The following CADM1 variants were observed in gnomAD, a reference collection of about 807,000 sequenced individuals.
CADM1 encodes the protein TSLC-1.
Under a neutral mutation model 53.1 loss-of-function variants are expected in CADM1, and 15 were observed. The observed-to-expected ratio is 0.28, with a 90% CI of 0.19 to 0.44. The LOEUF is 0.44. Ranked by LOEUF, CADM1 falls within the 20% of genes least tolerant of loss-of-function variation. The pLI is 1.00. For synonymous variants in CADM1, 281 were observed against 243.0 expected, an observed-to-expected ratio of 1.16 and a Z score of -1.45; for missense variants, 434 against 611.3, an observed-to-expected ratio of 0.71 and a Z score of 3.06.
intron 1 of CADM1, among the ~76,000 whole-genome samples, chr11:115,306,296 T>C (rs1030721091): frequency 4.6e-5 from 7 of 151,998 alleles, no homozygotes; most frequent in African/African-American, 1.7e-4. Flanking sequence ...GTTTGTAGCG[T>C]AGGAGCAATA....
intron 1 of CADM1, among the ~76,000 whole-genome samples, chr11:115,300,447 A>G (rs1944189320): frequency 1.3e-5 from 2 of 152,158 alleles, no homozygotes; most frequent in Admixed American, 1.3e-4. Flanking sequence ...GATAAAATTA[A>G]GGCATCAAAG....
intron 1 of CADM1, among the ~76,000 whole-genome samples, chr11:115,482,877 C>T (rs1451408552): frequency 6.6e-6 from 1 of 152,166 alleles, no homozygotes; most frequent in African/African-American, 2.4e-5. Flanking sequence ...AATACTCATT[C>T]CTTATATTAA....
chr11:115,400,580 T>C (rs1484236029), intron 1 of CADM1, among the ~76,000 whole-genome samples: 2 of 139,694 alleles, frequency 1.4e-5, no homozygotes, highest in Admixed American at 1.5e-4. Flanking sequence ...ATATATATAA[T>C]ATATATATAT....
Position 115,175,933 on chromosome 11 carries a change from T to C in CADM1, c.*541A>G, listed in dbSNP as rs1025102967. 1.4e-5 allele frequency: 14 copies of C among 1,011,328 alleles called. No individual in the cohort carries two copies. The African/African-American group carries it at 2.3e-4, about 16-fold the overall frequency. The allele number at this position is 1,011,328 out of a possible 1,614,324, so 62.6% of individuals were successfully genotyped here. ...TATGGATACACTAAATTCTGAACTA[T>C]GAAATCTAAGCTGTGCTGGTTCTCC... On this transcript the variant is annotated 3_prime_UTR_variant, in exon 12 of 12. Transcript: ENST00000331581.
At chr11:115,300,171 C>A (rs961562320) in intron 1 of CADM1, among the ~76,000 whole-genome samples, 1 of 152,100 alleles carries the variant, frequency 6.6e-6, no homozygotes, top group African/African-American at 2.4e-5. Context: ...ACTCTCAGTA[C>A]TGTTAGCTAC....
intron 2 of CADM1, among the ~76,000 whole-genome samples, chr11:115,239,366 T>C (rs887731903): frequency 1.3e-5 from 2 of 152,156 alleles, no homozygotes; most frequent in African/African-American, 4.8e-5. Flanking sequence ...GTTTCCTAAG[T>C]ACATTTGGCT....
At chr11:115,230,655 G>A (rs1053632056) in intron 4 of CADM1, among the ~76,000 whole-genome samples, 15 of 152,200 alleles carry the variant, frequency 9.9e-5, no homozygotes, top group South Asian at 2.1e-4. Context: ...ACCCGGGATG[G>A]CCCAGTACAG....
At chr11:115,495,593 C>T (rs1949590809) in intron 1 of CADM1, among the ~76,000 whole-genome samples, 2 of 152,156 alleles carry the variant, frequency 1.3e-5, no homozygotes, top group Admixed American at 1.3e-4. Context: ...AATCCACCCT[C>T]TATGTTATCT....
intron 1 of CADM1, among the ~76,000 whole-genome samples, chr11:115,433,852 T>C (rs1262836383): frequency 6.6e-6 from 1 of 152,226 alleles, no homozygotes; most frequent in African/African-American, 2.4e-5. Flanking sequence ...TATGTTGTTC[T>C]CTTGTGAGCC....
At chr11:115,429,851 T>C (rs1484819030) in intron 1 of CADM1, among the ~76,000 whole-genome samples, 1 of 152,134 alleles carries the variant, frequency 6.6e-6, no homozygotes, top group African/African-American at 2.4e-5. Context: ...GAAAACTCAG[T>C]GTGGTTTGTT....
chr11:115,283,409 A>C (rs1045630293), intron 1 of CADM1, among the ~76,000 whole-genome samples: 3 of 152,170 alleles, frequency 2.0e-5, no homozygotes, highest in Non-Finnish European at 1.5e-5. Flanking sequence ...CAAGGTTCAG[A>C]GGCCAGCCAT....
chr11:115,286,315 C>T (rs1302622745), intron 1 of CADM1, among the ~76,000 whole-genome samples: 2 of 152,114 alleles, frequency 1.3e-5, no homozygotes, highest in African/African-American at 4.8e-5. Context: ...CACATCAACA[C>T]TCACACACTC....
At chr11:115,310,308 A>G (rs1242065791) in intron 1 of CADM1, among the ~76,000 whole-genome samples, 1 of 152,150 alleles carries the variant, frequency 6.6e-6, no homozygotes, top group Non-Finnish European at 1.5e-5. Flanking sequence ...AAGTTAATAG[A>G]GTACCTGCCT....
chr11:115,389,085 A>G (rs952998822), intron 1 of CADM1, among the ~76,000 whole-genome samples: 1 of 152,148 alleles, frequency 6.6e-6, no homozygotes, highest in Non-Finnish European at 1.5e-5. Context: ...AGAATGGTTC[A>G]GAAAAAATGC....
chr11:115,243,391 A>G (rs1942307351), intron 1 of CADM1, among the ~76,000 whole-genome samples: 1 of 152,230 alleles, frequency 6.6e-6, no homozygotes, highest in East Asian at 1.9e-4. Flanking sequence ...AAAGATATCA[A>G]AGGGCCTTGT....
chr11:115,250,373 C>T (rs1482427751), intron 1 of CADM1, among the ~76,000 whole-genome samples: 1 of 152,136 alleles, frequency 6.6e-6, no homozygotes, highest in Non-Finnish European at 1.5e-5. Context: ...AAACTTGGGT[C>T]ACTTTTCACT....
chr11:115,417,785 G>A (rs956753006), intron 1 of CADM1, among the ~76,000 whole-genome samples: 3 of 152,108 alleles, frequency 2.0e-5, no homozygotes, highest in Non-Finnish European at 4.4e-5. Flanking sequence ...TAATCTTTTT[G>A]GATCATGTTT....
intron 1 of CADM1, among the ~76,000 whole-genome samples, chr11:115,476,605 G>A (rs1949137364): frequency 6.6e-6 from 1 of 152,066 alleles, no homozygotes; most frequent in Admixed American, 6.6e-5. Context: ...ACATTCTGTA[G>A]GGCATAATTT....
intron 1 of CADM1, among the ~76,000 whole-genome samples, chr11:115,464,385 T>C (rs1013205342): frequency 4.6e-5 from 7 of 152,196 alleles, no homozygotes; most frequent in African/African-American, 1.7e-4. Flanking sequence ...CATAATAGGT[T>C]TATGTAGTGT....
Sources: allele counts gnomAD v4.1 joint callset (sites outside exome capture counted in the v4.1 genomes callset), GRCh38; gene constraint gnomAD v4.1.1; transcripts MANE v1.5; gene names NCBI Gene and HGNC (gene_info 2026-07-23, HGNC 2026-07-21).